Variants in ACTN4 observed in about 807,000 individuals in gnomAD.
The protein encoded by ACTN4 is actinin alpha 4, also known as alpha-actinin-4.
Under a neutral mutation model 114.2 loss-of-function variants are expected in ACTN4, and 18 were observed. The observed-to-expected ratio is 0.16, with a 90% CI of 0.11 to 0.23. The LOEUF is 0.23. Ranked by LOEUF, ACTN4 falls within the 10% of genes least tolerant of loss-of-function variation. The pLI is 1.00. For synonymous variants in ACTN4, 515 were observed against 506.3 expected (o/e 1.02, Z -0.23); for missense variants, 722 against 1,262.9 (o/e 0.57, Z 6.49).
intron 6 of ACTN4, 33 bp downstream of exon 6, chr19:38,708,228 A>G: frequency 6.2e-7 from 1 of 1,610,380 alleles, no homozygotes; most frequent in Non-Finnish European, 8.5e-7. Flanking sequence ...GATGGCCCAC[A>G]GACGTGCCCT....
At chr19:38,722,174 C>T (rs1969067606) in intron 12 of ACTN4, among the ~76,000 whole-genome samples, 1 of 152,216 alleles carries the variant, frequency 6.6e-6, no homozygotes, top group African/African-American at 2.4e-5. Context: ...CCCCTCCCCA[C>T]CCAGTCAGAT....
chr19:38,652,171 T>G (rs1398590051), intron 1 of ACTN4, among the ~76,000 whole-genome samples: 1 of 152,010 alleles, frequency 6.6e-6, no homozygotes, highest in Non-Finnish European at 1.5e-5. Flanking sequence ...TTTTCAAAAT[T>G]GAGTAACACA....
At chr19:38,691,010 T>A (rs1967906336) in intron 1 of ACTN4, among the ~76,000 whole-genome samples, 1 of 152,198 alleles carries the variant, frequency 6.6e-6, no homozygotes, top group African/African-American at 2.4e-5. Flanking sequence ...AGGCAGTGGG[T>A]TCCCACAGCA....
chr19:38,724,256 G>A lies in ACTN4; in HGVS notation c.1792G>A (p.Ala598Thr), dbSNP rs750438589. 5 of 1,613,904 alleles carry A rather than the reference G, an allele frequency of 3.1e-6. No homozygotes were observed. The highest frequency in any genetic ancestry group is 1.3e-5 in the African/African-American group (1 of 75,032). Residue 598 changes from alanine to threonine, a missense_variant, in exon 15 of 21, where the codon GCT becomes ACT. Physicochemically the swap from Ala to Thr is moderately conservative, Grantham distance 58. Transcript: ENST00000252699. This position sits in a 1 kb window ranked among gnomAD's most constrained non-coding sequence, Gnocchi z 7.0. ...LAIHKEAQRI[A>T]ESNHIKLSGS... The stretch of plus-strand genomic sequence containing the variant: ...CATCCACAAGGAGGCCCAGAGGATC[G>A]CTGAGAGCAACCACATCAAGCTGTC...
chr19:38,667,193 A>G (rs1014736951), intron 1 of ACTN4, among the ~76,000 whole-genome samples: 6 of 152,206 alleles, frequency 3.9e-5, no homozygotes, highest in Non-Finnish European at 8.8e-5. Flanking sequence ...TTCCTGCCTT[A>G]AAGAGCCTTT....
chr19:38,714,694 A>G (rs1314612464), intron 9 of ACTN4, 133 bp downstream of exon 9: 22 of 945,748 alleles, frequency 2.3e-5, no homozygotes, highest in Non-Finnish European at 3.5e-5. Flanking sequence ...AGACCATGGC[A>G]TTTAGCCAGC....
At chr19:38,664,403 G>A (rs1375043301) in intron 1 of ACTN4, among the ~76,000 whole-genome samples, 2 of 152,066 alleles carry the variant, frequency 1.3e-5, no homozygotes, top group Non-Finnish European at 2.9e-5. Context: ...TCCCACTGTG[G>A]GATAAGGTTA....
intron 5 of ACTN4, among the ~76,000 whole-genome samples, chr19:38,707,237 C>G (rs1351420535): frequency 6.6e-6 from 1 of 151,862 alleles, no homozygotes; most frequent in African/African-American, 2.4e-5. Context: ...AGTTTCCATT[C>G]ATTTTCTTCA....
At chr19:38,703,866 C>T (rs529032388) in intron 3 of ACTN4, among the ~76,000 whole-genome samples, 3 of 152,172 alleles carry the variant, frequency 2.0e-5, no homozygotes, top group African/African-American at 7.2e-5. Flanking sequence ...GAAGCTTACA[C>T]GATGAGAAGG....
intron 3 of ACTN4, 120 bp downstream of exon 3, chr19:38,701,241 G>A (rs1382686874): frequency 1.3e-6 from 2 of 1,508,630 alleles, no homozygotes; most frequent in African/African-American, 2.7e-5. Flanking sequence ...GGCACTCAGA[G>A]CCCCAGTACA....
At chr19:38,666,450 C>G (rs1415153248) in intron 1 of ACTN4, among the ~76,000 whole-genome samples, 1 of 152,186 alleles carries the variant, frequency 6.6e-6, no homozygotes, top group Non-Finnish European at 1.5e-5. Context: ...CCGGTTTGCG[C>G]TTTCCTGATC....
rs1432599102 is a variant in ACTN4 at position 38,726,842 on chromosome 19, G to A, written c.2191-115G>A. On this transcript the variant is annotated intron_variant, in intron 17 of 20. Transcript: ENST00000252699. ...GCCCGTGTCCCCTGTGAGGTGTACA[G>A]GAGAGCAGGGGCTTTCCCCAGGGCG... 4.0e-6 allele frequency: 6 copies of A among 1,487,794 alleles called. No individual in the cohort carries two copies. In the Middle Eastern group the frequency reaches 9.4e-4, roughly 234 times the overall value. 92.2% of individuals were successfully genotyped at this position (1,487,794 alleles called of 1,614,324 possible).
intron 1 of ACTN4, among the ~76,000 whole-genome samples, chr19:38,671,471 C>T (rs144105362): frequency 3.9e-5 from 6 of 152,262 alleles, no homozygotes; most frequent in African/African-American, 1.4e-4. Flanking sequence ...GAAATAGTTT[C>T]TTTAGGATTG....
chr19:38,705,584 G>A (rs62119109), intron 4 of ACTN4, among the ~76,000 whole-genome samples: 8,616 of 152,336 alleles, frequency 0.057, 261 homozygotes, highest in South Asian at 0.096. Flanking sequence ...CTCCCGGTCT[G>A]TGAGGACAGC....
rs77100563 is a variant in ACTN4 at position 38,710,634 on chromosome 19, C to G, written c.819+292C>G. ...GCTAGTGGGAGAAACATACAGCAGG[C>G]CTGTCACAGGAGTGGAATAGAGAAA... On this transcript the variant is annotated intron_variant, in intron 8 of 20. Transcript: ENST00000252699. Among the ~76,000 whole-genome samples the G allele has an allele frequency of 0.15, 22,882 of 152,202 alleles. 2,028 individuals are homozygous for G. The highest frequency in any genetic ancestry group is 0.36 in the Middle Eastern group (106 of 294).
At position 38,729,493 on chromosome 19, in the gene ACTN4, C is replaced by CA; in HGVS notation, c.*62dup. On this transcript the variant is annotated 3_prime_UTR_variant, in exon 21 of 21. Transcript: ENST00000252699. ...TCCAGGAGGGGCCTGGGCAGCCCCA[C>CA]AGTCCCATTCCTCCACTCTGTATCT... 1 of 1,571,716 alleles carries CA rather than the reference C, an allele frequency of 6.4e-7. No homozygotes were observed. The highest frequency in any genetic ancestry group is 8.7e-7 in the Non-Finnish European group (1 of 1,153,260).
chr19:38,703,858 A>G (rs1173429748), intron 3 of ACTN4, among the ~76,000 whole-genome samples: 2 of 152,074 alleles, frequency 1.3e-5, no homozygotes, highest in Non-Finnish European at 2.9e-5. Flanking sequence ...CACAAGCAGA[A>G]GCTTACACGA....
At chr19:38,714,858 T>TG (rs1253827067) in intron 9 of ACTN4, among the ~76,000 whole-genome samples, 1 of 152,226 alleles carries the variant, frequency 6.6e-6, no homozygotes, top group Non-Finnish European at 1.5e-5. Flanking sequence ...TAGAATCACC[T>TG]GGGGAGCTTT....
intron 9 of ACTN4, among the ~76,000 whole-genome samples, chr19:38,716,478 C>A (rs1968844794): frequency 6.6e-6 from 1 of 152,114 alleles, no homozygotes; most frequent in Admixed American, 6.6e-5. Flanking sequence ...TGGAAAGGGA[C>A]CTTTTTGGCG....
Sources: gnomAD v4.1 joint callset for allele counts (sites outside exome capture counted in the v4.1 genomes callset) on GRCh38, gnomAD v4.1.1 for gene constraint, Gnocchi (gnomAD v3.1) non-coding constraint, MANE v1.5 for transcripts, NCBI Gene and HGNC (gene_info 2026-07-23, HGNC 2026-07-21) for gene names.